CLCN3: variants seen among roughly 807,000 people sequenced by gnomAD.
CLCN3 encodes H(+)/Cl(-) exchange transporter 3.
CLCN3 carries 16 observed loss-of-function variants against 83.4 expected under a neutral mutation model. That is an observed-to-expected ratio of 0.19 (90% CI 0.13 to 0.29). The LOEUF (loss-of-function observed/expected upper bound fraction) is 0.29. Among genes scored for constraint, CLCN3 ranks in the 10% least tolerant of loss-of-function variants. CLCN3 has a pLI of 1.00. For synonymous variants in CLCN3, 322 were observed against 346.2 expected, an observed-to-expected ratio of 0.93 and a Z score of 0.78; for missense variants, 544 against 1,006.0, an observed-to-expected ratio of 0.54 and a Z score of 6.21.
intron 2 of CLCN3, among the ~76,000 whole-genome samples, chr4:169,679,270 C>T (rs572445828): frequency 1.3e-4 from 19 of 143,742 alleles, no homozygotes; most frequent in Non-Finnish European, 2.4e-4. Context: ...CGGGCAGAGG[C>T]GCTCCCCACG....
At chr4:169,703,015 C>T (rs564633782) in intron 9 of CLCN3, among the ~76,000 whole-genome samples, 236 of 152,288 alleles carry the variant, frequency 1.5e-3, no homozygotes, top group Middle Eastern at 0.014. Flanking sequence ...GTTAGTGGAG[C>T]AGTCAGACCA....
At chr4:169,678,060 T>C (rs1201365376) in intron 2 of CLCN3, among the ~76,000 whole-genome samples, 1 of 152,214 alleles carries the variant, frequency 6.6e-6, no homozygotes, top group Non-Finnish European at 1.5e-5. Context: ...ATGAAGTGTA[T>C]ATCATCAGTG....
At chr4:169,716,225 C>T (rs1352950161) in intron 12 of CLCN3, among the ~76,000 whole-genome samples, 1 of 152,146 alleles carries the variant, frequency 6.6e-6, no homozygotes, top group South Asian at 2.1e-4. Flanking sequence ...TCGCTCTTCT[C>T]CATTAATGTG....
intron 2 of CLCN3, among the ~76,000 whole-genome samples, chr4:169,668,202 G>T (rs1581226695): frequency 6.6e-6 from 1 of 151,780 alleles, no homozygotes; most frequent in East Asian, 1.9e-4. Flanking sequence ...TTTAAATAGA[G>T]ATGAGATCTC....
At chr4:169,629,759 CAG>C (rs1445210598) in intron 1 of CLCN3, among the ~76,000 whole-genome samples, 1 of 152,090 alleles carries the variant, frequency 6.6e-6, no homozygotes, top group South Asian at 2.1e-4. Flanking sequence ...CAATGGCAGA[CAG>C]ATATTAAATA....
chr4:169,627,550 T>C (rs573936058), intron 1 of CLCN3, among the ~76,000 whole-genome samples: 2 of 152,288 alleles, frequency 1.3e-5, no homozygotes, highest in South Asian at 4.1e-4. Flanking sequence ...GCCTGGTACA[T>C]GCTAAGTGTG....
Position 169,690,617 on chromosome 4 carries a change from T to C in CLCN3, c.694T>C (p.Phe232Leu). 1 of 1,613,836 alleles carries C rather than the reference T, an allele frequency of 6.2e-7. No individual in the cohort carries two copies. The highest frequency in any genetic ancestry group is 8.5e-7 in the Non-Finnish European group (1 of 1,179,732). The change falls in exon 6 of 13, where the codon TTT becomes CTT. Residue 232 changes from phenylalanine (F) to leucine (L), a missense_variant. Phe to Leu is a conservative substitution (Grantham distance 22). Coordinates refer to ENST00000513761, the MANE Select transcript of CLCN3 (RefSeq NM_001829.4). Reference protein sequence around the residue: ...AFLAVSLVKVFAPYACGSGIP... With the variant: ...AFLAVSLVKVLAPYACGSGIP... ...TCTTGCAGTTTCCCTGGTAAAGGTATTTGCTCCATATGCCTGTGGCTCTGG... is the reference window on the plus strand; with the variant it reads ...TCTTGCAGTTTCCCTGGTAAAGGTACTTGCTCCATATGCCTGTGGCTCTGG...
intron 10 of CLCN3, among the ~76,000 whole-genome samples, chr4:169,706,218 A>G (rs2150266223): frequency 6.6e-6 from 1 of 151,904 alleles, no homozygotes; most frequent in East Asian, 2.0e-4. Flanking sequence ...TTACTTTTGT[A>G]GAGACAGGGT....
chr4:169,641,261 C>T (rs780250663), intron 2 of CLCN3, among the ~76,000 whole-genome samples: 10 of 151,962 alleles, frequency 6.6e-5, no homozygotes, highest in Admixed American at 2.0e-4. Flanking sequence ...GAAACCCAGT[C>T]TCTAAATAAA....
intron 3 of CLCN3, among the ~76,000 whole-genome samples, chr4:169,687,168 T>C (rs1560858797): frequency 6.6e-6 from 1 of 152,232 alleles, no homozygotes. Context: ...AGAAGACATA[T>C]ATAAAAGATG....
intron 10 of CLCN3, among the ~76,000 whole-genome samples, chr4:169,706,127 C>G (rs1054720181): frequency 2.6e-5 from 4 of 152,094 alleles, no homozygotes; most frequent in Non-Finnish European, 4.4e-5. Context: ...AACCCCAGCC[C>G]AAACGAGCCT....
intron 10 of CLCN3, among the ~76,000 whole-genome samples, chr4:169,706,243 C>G (rs1238183095): frequency 1.3e-5 from 2 of 151,980 alleles, no homozygotes; most frequent in Admixed American, 6.5e-5. Context: ...CTGTATTGCC[C>G]AGGCTGGTCT....
Position 169,723,418 on chromosome 4 carries a change from A to G in CLCN3, c.*3421A>G, listed in dbSNP as rs548747148. On this transcript the variant is annotated 3_prime_UTR_variant, in exon 13 of 13. Coordinates refer to ENST00000513761, the MANE Select transcript of CLCN3 (RefSeq NM_001829.4). ...CCACCAGCAATGGTTTAGCGCCCCCATTTGTCAGTGAAAGCTGCAGGTCCA... is the reference window on the plus strand; with the variant it reads ...CCACCAGCAATGGTTTAGCGCCCCCGTTTGTCAGTGAAAGCTGCAGGTCCA... 2.6e-5 allele frequency: 4 copies of G among 152,070 alleles called. No individual in the cohort carries two copies. The highest frequency in any genetic ancestry group is 4.1e-4 in the South Asian group (2 of 4,824). The allele number at this position is 152,070 out of a possible 1,614,324, so 9.4% of individuals were successfully genotyped here.
chr4:169,684,038 C>T (rs1288700699), intron 3 of CLCN3, among the ~76,000 whole-genome samples: 1 of 152,150 alleles, frequency 6.6e-6, no homozygotes, highest in Non-Finnish European at 1.5e-5. Flanking sequence ...CCACTGCGCC[C>T]GGCCTACATT....
At position 169,721,906 on chromosome 4, in the gene CLCN3, A is replaced by T; in HGVS notation, c.*1909A>T. On this transcript the variant is annotated 3_prime_UTR_variant, in exon 13 of 13. Coordinates refer to ENST00000513761, the MANE Select transcript of CLCN3 (RefSeq NM_001829.4). ...GTCTTGGCTCACTGCAGCGTTGACCACCTGGGCTCAAGTGATACTCCCGCC... is the reference window on the plus strand; with the variant it reads ...GTCTTGGCTCACTGCAGCGTTGACCTCCTGGGCTCAAGTGATACTCCCGCC... 1 of 152,030 alleles carries T rather than the reference A, an allele frequency of 6.6e-6. No homozygotes were observed. The highest frequency in any genetic ancestry group is 1.5e-5 in the Non-Finnish European group (1 of 68,026). The allele number at this position is 152,030 out of a possible 1,614,324, so 9.4% of individuals were successfully genotyped here.
rs989847691 is a variant in CLCN3, at chr4:169,721,254, A to G, written c.*1257A>G. 1.2e-4 allele frequency: 18 copies of G among 152,166 alleles called. No individual in the cohort carries two copies. Among genetic ancestry groups the G allele is most frequent in the African/African-American group, 4.1e-4 (17 of 41,424 alleles). The allele number at this position is 152,166 out of a possible 1,614,324, so 9.4% of individuals were successfully genotyped here. The stretch of plus-strand genomic sequence containing the variant: ...GCACTTAAGTAATTTTACCTTTTTA[A>G]TGTGATTTTTATAGAATAATTCAGA... On this transcript the variant is annotated 3_prime_UTR_variant, in exon 13 of 13. Coordinates refer to ENST00000513761, the MANE Select transcript of CLCN3 (RefSeq NM_001829.4).
At position 169,636,223 on chromosome 4, in the gene CLCN3, AT is replaced by A. The variant is rs1328085828; in HGVS notation, c.160+137del. ...AAATTTACATAACATAAACTTAACC[AT>A]TGTAAAGTGTGGAACTGAGTGGCAT... On this transcript the variant is annotated intron_variant, in intron 2 of 12. Coordinates refer to ENST00000513761, the MANE Select transcript of CLCN3 (RefSeq NM_001829.4). The A allele has an allele frequency of 5.2e-6, 4 of 768,754 alleles. No individual in the cohort carries two copies. The African/African-American group carries it at 7.1e-5, about 14-fold the overall frequency. The allele number at this position is 768,754 out of a possible 1,614,324, so 47.6% of individuals were successfully genotyped here.
chr4:169,636,159 T>A (rs1393660675), intron 2 of CLCN3, 71 bp downstream of exon 2: 4 of 1,332,186 alleles, frequency 3.0e-6, no homozygotes, highest in Middle Eastern at 1.9e-4. Context: ...ACTATTTTAT[T>A]GAGGTTGAAT....
intron 2 of CLCN3, among the ~76,000 whole-genome samples, chr4:169,672,512 G>A (rs1410078167): frequency 1.3e-5 from 2 of 151,886 alleles, no homozygotes; most frequent in African/African-American, 4.8e-5. Context: ...ATGCTGTGAC[G>A]GTACCTAAAA....
Sources: allele counts gnomAD v4.1 joint callset (sites outside exome capture counted in the v4.1 genomes callset), GRCh38; gene constraint gnomAD v4.1.1; transcripts MANE v1.5; gene names NCBI Gene and HGNC (gene_info 2026-07-23, HGNC 2026-07-21).